The following CREB5 variants were observed in gnomAD, a reference collection of about 807,000 sequenced individuals.
CREB5 encodes cyclic AMP-responsive element-binding protein 5.
Under a neutral mutation model 57.1 loss-of-function variants are expected in CREB5, and 19 were observed. The ratio of observed to expected loss-of-function variants is 0.33; its 90% CI spans 0.23 to 0.49. CREB5 has a LOEUF of 0.49. Ranked by LOEUF, CREB5 falls within the 20% of genes least tolerant of loss-of-function variation. CREB5 has a pLI of 0.99. For missense variants in CREB5, 579 were observed against 671.6 expected, an observed-to-expected ratio of 0.86 and a Z score of 1.52; for synonymous variants, 238 against 238.3, an observed-to-expected ratio of 1.00 and a Z score of 0.01.
At chr7:28,692,146 A>G (rs1168166905) in intron 5 of CREB5, among the ~76,000 whole-genome samples, 3 of 150,596 alleles carry the variant, frequency 2.0e-5, no homozygotes, top group Non-Finnish European at 4.4e-5. Flanking sequence ...AGATCCTGCC[A>G]CTGCACTCCA....
At chr7:28,632,169 C>A (rs1368078323) in intron 5 of CREB5, among the ~76,000 whole-genome samples, 1 of 152,186 alleles carries the variant, frequency 6.6e-6, no homozygotes, top group Non-Finnish European at 1.5e-5. Flanking sequence ...CACAAGATAA[C>A]AGCCTTTATC....
At chr7:28,482,061 A>G (rs887401465) in intron 1 of CREB5, among the ~76,000 whole-genome samples, 14 of 152,258 alleles carry the variant, frequency 9.2e-5, no homozygotes, top group Non-Finnish European at 1.3e-4. Flanking sequence ...TTAGCTTCCA[A>G]TAGTTATGTT....
intron 5 of CREB5, among the ~76,000 whole-genome samples, chr7:28,680,026 A>G (rs904782832): frequency 1.3e-5 from 2 of 152,110 alleles, no homozygotes; most frequent in African/African-American, 2.4e-5. Context: ...GTAGAAAATT[A>G]TCTCCAAACG....
At chr7:28,375,242 C>A (rs1786797911) in intron 1 of CREB5, among the ~76,000 whole-genome samples, 1 of 152,118 alleles carries the variant, frequency 6.6e-6, no homozygotes, top group African/African-American at 2.4e-5. Flanking sequence ...AACATTATTT[C>A]TTGAAATAAG....
At chr7:28,686,753 T>C (rs1263348335) in intron 5 of CREB5, among the ~76,000 whole-genome samples, 1 of 152,236 alleles carries the variant, frequency 6.6e-6, no homozygotes, top group Non-Finnish European at 1.5e-5. Context: ...TTATTATCAA[T>C]TGCAGTGACT....
chr7:28,347,212 A>G (rs1786078512), intron 1 of CREB5, among the ~76,000 whole-genome samples: 1 of 152,208 alleles, frequency 6.6e-6, no homozygotes, highest in South Asian at 2.1e-4. Flanking sequence ...GCACTGATGT[A>G]ATTTCTCCCT....
chr7:28,818,294 T>C, intron 10 of CREB5, 115 bp downstream of exon 10: 1 of 708,002 alleles, frequency 1.4e-6, no homozygotes, highest in South Asian at 1.8e-5. Context: ...TCCAGGCAGA[T>C]ATACAAGAAT....
At chr7:28,334,972 T>C (rs1334423411) in intron 1 of CREB5, among the ~76,000 whole-genome samples, 1 of 152,206 alleles carries the variant, frequency 6.6e-6, no homozygotes, top group Non-Finnish European at 1.5e-5. Context: ...CTTTTCCTAT[T>C]GTATGTTCTT....
At chr7:28,429,128 C>T (rs1046819858) in intron 1 of CREB5, among the ~76,000 whole-genome samples, 7 of 152,072 alleles carry the variant, frequency 4.6e-5, no homozygotes, top group African/African-American at 1.7e-4. Context: ...CTGGTTCAAG[C>T]GATTCTTCCT....
At chr7:28,454,764 T>C (rs551413141) in intron 1 of CREB5, among the ~76,000 whole-genome samples, 1 of 152,322 alleles carries the variant, frequency 6.6e-6, no homozygotes, top group East Asian at 1.9e-4. Flanking sequence ...AAATTTTTTT[T>C]CAAAAGGACT....
At chr7:28,352,724 A>C (rs1786258584) in intron 1 of CREB5, among the ~76,000 whole-genome samples, 1 of 152,226 alleles carries the variant, frequency 6.6e-6, no homozygotes, top group Non-Finnish European at 1.5e-5. Flanking sequence ...AGACTTTTGC[A>C]GAAGACTTTC....
chr7:28,770,991 C>CA (rs138271060), intron 7 of CREB5, among the ~76,000 whole-genome samples: 4,399 of 152,228 alleles, frequency 0.029, 110 homozygotes, highest in Admixed American at 0.077. Context: ...AATCATGTCA[C>CA]AAAATATATA....
intron 5 of CREB5, among the ~76,000 whole-genome samples, chr7:28,675,131 A>G (rs1219462848): frequency 6.6e-6 from 1 of 152,138 alleles, no homozygotes; most frequent in African/African-American, 2.4e-5. Context: ...TTGCCTAAAT[A>G]TTTGATCTAA....
rs9770688 is a variant in CREB5, at chr7:28,644,984, G to A, written c.465-73769G>A. On this transcript the variant is annotated intron_variant, in intron 5 of 10. Transcript: ENST00000357727. ...CAGATGGAAACTCTTGGCCAACAACGCGTACCTTGGCCAACTCTCTTTTCA... is the reference window on the plus strand; with the variant it reads ...CAGATGGAAACTCTTGGCCAACAACACGTACCTTGGCCAACTCTCTTTTCA... 8.0e-3 allele frequency among the ~76,000 whole-genome samples: 1,220 copies of A among 152,188 alleles called. 21 individuals are homozygous for A. Among genetic ancestry groups the A allele is most frequent in the African/African-American group, 0.027 (1,105 of 41,524 alleles).
At chr7:28,760,281 C>A (rs1472246476) in intron 7 of CREB5, among the ~76,000 whole-genome samples, 1 of 152,192 alleles carries the variant, frequency 6.6e-6, no homozygotes, top group Non-Finnish European at 1.5e-5. Flanking sequence ...TCTTTCCTCT[C>A]CCAGGAGACT....
intron 7 of CREB5, among the ~76,000 whole-genome samples, chr7:28,772,693 C>G (rs989902293): frequency 2.0e-5 from 3 of 152,114 alleles, no homozygotes; most frequent in Non-Finnish European, 4.4e-5. Flanking sequence ...GCAGTAAAGC[C>G]TTTATAGAAC....
intron 5 of CREB5, among the ~76,000 whole-genome samples, chr7:28,620,694 C>T (rs1394547460): frequency 6.6e-6 from 1 of 152,170 alleles, no homozygotes; most frequent in Non-Finnish European, 1.5e-5. Flanking sequence ...ACATCCAGAG[C>T]CGCTACGGTC....
intron 4 of CREB5, among the ~76,000 whole-genome samples, chr7:28,541,841 A>G (rs529171763): frequency 1.5e-4 from 23 of 152,264 alleles, no homozygotes; most frequent in Non-Finnish European, 1.3e-4. Context: ...ACTTTGTCTC[A>G]ATGGCTTCTA....
At chr7:28,351,440 A>C (rs1338660136) in intron 1 of CREB5, among the ~76,000 whole-genome samples, 1 of 152,218 alleles carries the variant, frequency 6.6e-6, no homozygotes, top group Non-Finnish European at 1.5e-5. Context: ...CAAGGGGGAA[A>C]GCAGGTTGCC....
Sources: gnomAD v4.1 joint callset for allele counts (sites outside exome capture counted in the v4.1 genomes callset) on GRCh38, gnomAD v4.1.1 for gene constraint, MANE v1.5 for transcripts, NCBI Gene and HGNC (gene_info 2026-07-23, HGNC 2026-07-21) for gene names.